Variants in P2RY14 observed in about 807,000 individuals in gnomAD.
P2RY14 encodes P2Y purinoceptor 14.
P2RY14 carries 2 observed loss-of-function variants against 0.9 expected under a neutral mutation model. That is an observed-to-expected ratio of 2.16 (90% CI 0.88 to 6.79). The LOEUF is 6.79. Among genes scored for constraint, P2RY14 ranks in the 30% most tolerant of loss-of-function variants. The probability of loss-of-function intolerance (pLI) is 0.05; values close to 1 mark genes in which losing one functional copy is unlikely to be tolerated. For synonymous variants in P2RY14, 158 were observed against 147.2 expected (o/e 1.07, Z -0.53); for missense variants, 378 against 400.1 (o/e 0.94, Z 0.47).
In P2RY14 at chr3:151,264,810, C is replaced by T. The variant is rs571411030; in HGVS notation, c.-133+13477G>A. ...GTGTGGTCTCATCACACTTAGAAAA[C>T]ATCCAGAGTTTGGTCATGGCCTGCA... On this transcript the variant is annotated intron_variant, in intron 1 of 2. Coordinates refer to ENST00000309170, the MANE Select transcript of P2RY14 (RefSeq NM_014879.4). 9.2e-4 allele frequency among the ~76,000 whole-genome samples: 140 copies of T among 152,248 alleles called. 1 individual carries two copies. The highest frequency in any genetic ancestry group is 8.1e-3 in the Admixed American group (124 of 15,290).
rs188706479 is a variant in P2RY14 at position 151,220,207 on chromosome 3, C to T, written c.-132-565G>A. Among the ~76,000 whole-genome samples, 628 of 150,700 alleles carry T rather than the reference C, an allele frequency of 4.2e-3. 2 individuals carry two copies. Among genetic ancestry groups the T allele is most frequent in the Middle Eastern group, 0.01 (3 of 294 alleles). On this transcript the variant is annotated intron_variant, in intron 1 of 2. Coordinates refer to ENST00000309170, the MANE Select transcript of P2RY14 (RefSeq NM_014879.4). Reference sequence around the variant, plus strand: ...AATGTCCTCTGAGGGACAAAATTGCCCTCATTTGATTACCACCAGTGTAAT... The same window carrying T: ...AATGTCCTCTGAGGGACAAAATTGCTCTCATTTGATTACCACCAGTGTAAT...
chr3:151,261,712 GT>G (rs1291737062), intron 1 of P2RY14, among the ~76,000 whole-genome samples: 3 of 113,876 alleles, frequency 2.6e-5, no homozygotes, highest in Non-Finnish European at 5.8e-5. Flanking sequence ...GTTTTGTTTT[GT>G]TTTGTTTTGT....
At chr3:151,247,927 A>G (rs1312685878) in intron 1 of P2RY14, among the ~76,000 whole-genome samples, 2 of 100,564 alleles carry the variant, frequency 2.0e-5, no homozygotes, top group African/African-American at 7.4e-5. Flanking sequence ...TTTTAAAAAG[A>G]TTTTCTTTTG....
chr3:151,249,536 A>T (rs1488233436), intron 1 of P2RY14, among the ~76,000 whole-genome samples: 1 of 152,104 alleles, frequency 6.6e-6, no homozygotes, highest in Non-Finnish European at 1.5e-5. Context: ...GGACCCCAAG[A>T]CTATGCTATC....
chr3:151,223,861 G>T (rs904473534), intron 1 of P2RY14, among the ~76,000 whole-genome samples: 2 of 152,110 alleles, frequency 1.3e-5, no homozygotes, highest in African/African-American at 4.8e-5. Context: ...AAAGAACATT[G>T]CCTACTCCTG....
intron 1 of P2RY14, among the ~76,000 whole-genome samples, chr3:151,250,961 T>C (rs927341195): frequency 1.3e-5 from 2 of 152,256 alleles, no homozygotes; most frequent in African/African-American, 4.8e-5. Context: ...TTGTTCTTTC[T>C]TTCTAGTAGT....
intron 1 of P2RY14, among the ~76,000 whole-genome samples, chr3:151,264,508 C>T (rs567578875): frequency 3.9e-5 from 6 of 152,324 alleles, no homozygotes; most frequent in African/African-American, 9.6e-5. Context: ...TTGTGTAAAG[C>T]GCACATCTCT....
chr3:151,215,261 C>T (rs1389865427), intron 2 of P2RY14, among the ~76,000 whole-genome samples: 1 of 152,176 alleles, frequency 6.6e-6, no homozygotes, highest in Non-Finnish European at 1.5e-5. Context: ...ATGGTAGCCA[C>T]TAGCCATGTG....
chr3:151,260,132 AG>A (rs1738584001), intron 1 of P2RY14, among the ~76,000 whole-genome samples: 1 of 152,146 alleles, frequency 6.6e-6, no homozygotes, highest in Non-Finnish European at 1.5e-5. Flanking sequence ...GCAGATCATG[AG>A]TGTGTTTCAG....
In P2RY14 at chr3:151,213,264, T is replaced by A. The variant is rs770946340; in HGVS notation, c.*36A>T. 1 of 1,489,154 alleles carries A rather than the reference T, an allele frequency of 6.7e-7. No individual in the cohort carries two copies. Among genetic ancestry groups the A allele is most frequent in the Non-Finnish European group, 9.1e-7 (1 of 1,098,724 alleles). The allele number at this position is 1,489,154 out of a possible 1,614,324, so 92.2% of individuals were successfully genotyped here. ...TGTTATGTAATTGAAGATGACAACA[T>A]GCACACGTGGTCTTTCTTTGGAAGA... On this transcript the variant is annotated 3_prime_UTR_variant, in exon 3 of 3. Transcript: ENST00000309170.
At chr3:151,228,823 T>C (rs1383334749) in intron 1 of P2RY14, among the ~76,000 whole-genome samples, 1 of 152,240 alleles carries the variant, frequency 6.6e-6, no homozygotes, top group African/African-American at 2.4e-5. Context: ...CCTGAATTAC[T>C]GAATTTTTTC....
At chr3:151,263,866 C>T (rs1470274568) in intron 1 of P2RY14, among the ~76,000 whole-genome samples, 1 of 152,124 alleles carries the variant, frequency 6.6e-6, no homozygotes, top group Non-Finnish European at 1.5e-5. Context: ...AAGAGTGAGA[C>T]AATACAAAGC....
chr3:151,226,613 T>G (rs1291218238), intron 1 of P2RY14, among the ~76,000 whole-genome samples: 1 of 121,244 alleles, frequency 8.2e-6, no homozygotes, highest in Non-Finnish European at 2.1e-5. Flanking sequence ...TCAGCCAGTG[T>G]TTTTTTTTCA....
At chr3:151,228,400 G>A (rs750903090) in intron 1 of P2RY14, among the ~76,000 whole-genome samples, 24 of 152,090 alleles carry the variant, frequency 1.6e-4, no homozygotes, top group South Asian at 2.1e-4. Flanking sequence ...GGAACATTGC[G>A]CGTACAGGGA....
intron 2 of P2RY14, among the ~76,000 whole-genome samples, chr3:151,219,280 G>A (rs1030331491): frequency 6.6e-6 from 1 of 152,146 alleles, no homozygotes; most frequent in Admixed American, 6.5e-5. Context: ...GAATTTAATT[G>A]ATACAAGGCT....
intron 2 of P2RY14, among the ~76,000 whole-genome samples, chr3:151,218,591 G>T (rs570127189): frequency 6.6e-6 from 1 of 152,074 alleles, no homozygotes; most frequent in East Asian, 1.9e-4. Flanking sequence ...TACTGTGGCC[G>T]GGCACGGTGG....
At chr3:151,219,128 T>C (rs1283726855) in intron 2 of P2RY14, among the ~76,000 whole-genome samples, 2 of 152,160 alleles carry the variant, frequency 1.3e-5, no homozygotes, top group African/African-American at 4.8e-5. Flanking sequence ...GTAGAAAGAA[T>C]GTCAATGCCA....
intron 1 of P2RY14, among the ~76,000 whole-genome samples, chr3:151,241,162 C>T (rs539247015): frequency 6.6e-6 from 1 of 152,308 alleles, no homozygotes; most frequent in African/African-American, 2.4e-5. Context: ...TAGTGGTTTT[C>T]TCCTTGCCCT....
At chr3:151,242,114 G>C (rs1734256090) in intron 1 of P2RY14, among the ~76,000 whole-genome samples, 1 of 152,218 alleles carries the variant, frequency 6.6e-6, no homozygotes. Context: ...ACCTGGCTCG[G>C]AGGGTCCTAC....
Sources: gnomAD v4.1 joint callset for allele counts (sites outside exome capture counted in the v4.1 genomes callset) on GRCh38, gnomAD v4.1.1 for gene constraint, MANE v1.5 for transcripts, NCBI Gene and HGNC (gene_info 2026-07-23, HGNC 2026-07-21) for gene names.